The following STIMATE variants were observed in gnomAD, a reference collection of about 807,000 sequenced individuals.
The protein encoded by STIMATE is store-operated calcium entry regulator STIMATE.
A neutral mutation model predicts 36.7 loss-of-function variants in STIMATE; 15 were observed. The observed-to-expected ratio is 0.41, with a 90% CI of 0.27 to 0.63. STIMATE has a LOEUF of 0.63. STIMATE is among the 20% of genes least tolerant of loss of function. The pLI is 0.32. For missense variants in STIMATE, 305 were observed against 397.3 expected (o/e 0.77, Z 1.98); for synonymous variants, 163 against 162.3 (o/e 1.00, Z -0.03).
rs1374108799 is a variant in STIMATE at position 52,839,570 on chromosome 3, C to T, written c.*924G>A. On this transcript the variant is annotated 3_prime_UTR_variant, in exon 8 of 8. Coordinates refer to ENST00000355083, the MANE Select transcript of STIMATE (RefSeq NM_198563.5). ...AGAGCTCATGGGCCCTGGGCAGAGC[C>T]TTTCCTGTTCCACACTCTGCAGCTC... 6.6e-6 allele frequency: 1 copy of T among 152,210 alleles called. No individual in the cohort carries two copies. The highest frequency in any genetic ancestry group is 1.9e-4 in the East Asian group (1 of 5,198). The allele number at this position is 152,210 out of a possible 1,614,324, so 9.4% of individuals were successfully genotyped here.
At position 52,840,272 on chromosome 3, in the gene STIMATE, T is replaced by C. The variant is rs6445538; in HGVS notation, c.*222A>G. The C allele has an allele frequency of 0.24, 118,312 of 492,214 alleles. 15,644 individuals are homozygous for C. The highest frequency in any genetic ancestry group is 0.39 in the Admixed American group (11,159 of 28,376). The allele number at this position is 492,214 out of a possible 1,614,324, so 30.5% of individuals were successfully genotyped here. The stretch of plus-strand genomic sequence containing the variant: ...ATTTGGTCAGTGTTTGTAGTGCAAC[T>C]GAATGGGGACCTCCAGCCGCCAGTG... On this transcript the variant is annotated 3_prime_UTR_variant, in exon 8 of 8. Coordinates refer to ENST00000355083, the MANE Select transcript of STIMATE (RefSeq NM_198563.5).
chr3:52,887,157 T>C (rs1277997294), intron 1 of STIMATE, among the ~76,000 whole-genome samples: 1 of 152,236 alleles, frequency 6.6e-6, no homozygotes, highest in Non-Finnish European at 1.5e-5. Context: ...CATATTAATG[T>C]TAAATTTCCT....
At chr3:52,866,549 G>C (rs1701316236) in intron 1 of STIMATE, among the ~76,000 whole-genome samples, 1 of 152,198 alleles carries the variant, frequency 6.6e-6, no homozygotes, top group South Asian at 2.1e-4. Context: ...CCACACAATA[G>C]GACAGCAATT....
chr3:52,857,808 G>A (rs904912504), intron 1 of STIMATE, among the ~76,000 whole-genome samples: 2 of 151,594 alleles, frequency 1.3e-5, no homozygotes, highest in African/African-American at 4.8e-5. Context: ...GGTGTTATAG[G>A]CTGAATTGTG....
chr3:52,886,912 G>A (rs1290325397), intron 1 of STIMATE, among the ~76,000 whole-genome samples: 1 of 152,170 alleles, frequency 6.6e-6, no homozygotes, highest in Non-Finnish European at 1.5e-5. Flanking sequence ...GTAATCATGA[G>A]AAAATATCAG....
chr3:52,877,413 C>T (rs1559497283), intron 1 of STIMATE, among the ~76,000 whole-genome samples: 1 of 152,158 alleles, frequency 6.6e-6, no homozygotes, highest in Non-Finnish European at 1.5e-5. Context: ...GAACAAACTC[C>T]CTGGACAAAC....
chr3:52,883,797 T>C (rs747385686), intron 1 of STIMATE, among the ~76,000 whole-genome samples: 7 of 152,350 alleles, frequency 4.6e-5, no homozygotes, highest in Non-Finnish European at 7.3e-5. Context: ...CTATTTTCCA[T>C]TGTGCTTATT....
At chr3:52,876,951 G>A (rs957769019) in intron 1 of STIMATE, among the ~76,000 whole-genome samples, 1 of 152,246 alleles carries the variant, frequency 6.6e-6, no homozygotes, top group Non-Finnish European at 1.5e-5. Context: ...ATTCTACACT[G>A]AAGGTAGGTG....
intron 3 of STIMATE, 37 bp downstream of exon 3, chr3:52,852,566 G>C: frequency 6.2e-7 from 1 of 1,610,750 alleles, no homozygotes; most frequent in Non-Finnish European, 8.5e-7. Context: ...TCAATGGAGG[G>C]GCAGCTGATG....
intron 3 of STIMATE, among the ~76,000 whole-genome samples, chr3:52,850,204 G>C (rs867716486): frequency 6.6e-6 from 1 of 152,166 alleles, no homozygotes; most frequent in African/African-American, 2.4e-5. Context: ...AGGCCGAGGC[G>C]GGTGGATCAC....
At chr3:52,840,720 G>C in intron 7 of STIMATE, 110 bp from the exon 8 acceptor site, 1 of 970,686 alleles carries the variant, frequency 1.0e-6, no homozygotes, top group African/African-American at 2.1e-5. Context: ...TTTTTTTTTG[G>C]ACAGAGTCTC....
intron 1 of STIMATE, among the ~76,000 whole-genome samples, chr3:52,869,485 T>C (rs1701365805): frequency 6.6e-6 from 1 of 152,224 alleles, no homozygotes; most frequent in South Asian, 2.1e-4. Context: ...TTCTTCCAGA[T>C]TGTTCCCACT....
rs1701730719 is a variant in STIMATE, at chr3:52,888,547, T to C, written c.160+8744A>G. 2.0e-5 allele frequency among the ~76,000 whole-genome samples: 3 copies of C among 152,356 alleles called. 1 individual carries two copies. Among genetic ancestry groups the C allele is most frequent in the South Asian group, 4.1e-4 (2 of 4,830 alleles). The stretch of plus-strand genomic sequence containing the variant: ...TGTGGCTGTGTTTCAACTATTCCTA[T>C]AGGACAGTGTCTTATGCTCACGTCA... On this transcript the variant is annotated intron_variant, in intron 1 of 7. Coordinates refer to ENST00000355083, the MANE Select transcript of STIMATE (RefSeq NM_198563.5).
At chr3:52,893,573 C>A (rs998472016) in intron 1 of STIMATE, among the ~76,000 whole-genome samples, 1 of 152,154 alleles carries the variant, frequency 6.6e-6, no homozygotes, top group African/African-American at 2.4e-5. Flanking sequence ...TCACACAGAG[C>A]ACACAGGGAG....
chr3:52,871,137 C>T (rs1044685499), intron 1 of STIMATE, among the ~76,000 whole-genome samples: 37 of 152,324 alleles, frequency 2.4e-4, no homozygotes, highest in African/African-American at 8.2e-4. Flanking sequence ...GTGATAGTTT[C>T]ATATGCTCAA....
At chr3:52,856,407 G>A (rs1452800419) in intron 1 of STIMATE, among the ~76,000 whole-genome samples, 1 of 152,214 alleles carries the variant, frequency 6.6e-6, no homozygotes, top group African/African-American at 2.4e-5. Context: ...ATGGCCGGGT[G>A]TGGTGGCTCA....
In STIMATE at chr3:52,857,801, G is replaced by A. The variant is rs139487804; in HGVS notation, c.161-2357C>T. ...AGAGAGAAAGAGAAGCAAATGTGGT[G>A]TTATAGGCTGAATTGTGCCCCCACC... is the stretch of plus-strand genomic sequence containing the variant. On this transcript the variant is annotated intron_variant, in intron 1 of 7. Coordinates refer to ENST00000355083, the MANE Select transcript of STIMATE (RefSeq NM_198563.5). 0.014 allele frequency among the ~76,000 whole-genome samples: 2,087 copies of A among 151,864 alleles called. 132 individuals carry two copies. In the South Asian group the frequency reaches 0.21, roughly 15 times the overall value.
intron 1 of STIMATE, among the ~76,000 whole-genome samples, chr3:52,861,354 T>C (rs1701212445): frequency 6.6e-6 from 1 of 152,184 alleles, no homozygotes; most frequent in South Asian, 2.1e-4. Flanking sequence ...GATGCACCAA[T>C]TGTCCCCAAG....
chr3:52,848,735 C>T (rs999587070), intron 4 of STIMATE, among the ~76,000 whole-genome samples: 12 of 152,224 alleles, frequency 7.9e-5, no homozygotes, highest in Admixed American at 1.3e-4. Context: ...GCTGGTCCCC[C>T]GACTGTGGTC....
Sources: allele counts gnomAD v4.1 joint callset (sites outside exome capture counted in the v4.1 genomes callset), GRCh38; gene constraint gnomAD v4.1.1; transcripts MANE v1.5; gene names NCBI Gene and HGNC (gene_info 2026-07-23, HGNC 2026-07-21).